The following ZDHHC7 variants were observed in gnomAD, a reference collection of about 807,000 sequenced individuals.
ZDHHC7 encodes zDHHC palmitoyltransferase 7, also known as palmitoyltransferase ZDHHC7.
ZDHHC7 carries 12 observed loss-of-function variants against 34.1 expected under a neutral mutation model. The ratio of observed to expected loss-of-function variants is 0.35; its 90% CI spans 0.23 to 0.57. The LOEUF is 0.57. Ranked by LOEUF, ZDHHC7 falls within the 20% of genes least tolerant of loss-of-function variation. The probability of loss-of-function intolerance (pLI) is 0.84; values close to 1 mark genes in which losing one functional copy is unlikely to be tolerated. For synonymous variants in ZDHHC7, 185 were observed against 155.4 expected (o/e 1.19, Z -1.42); for missense variants, 388 against 402.7 (o/e 0.96, Z 0.31).
chr16:84,984,208 A>G (rs542295014), intron 3 of ZDHHC7, among the ~76,000 whole-genome samples: 1 of 151,868 alleles, frequency 6.6e-6, no homozygotes, highest in South Asian at 2.1e-4. Flanking sequence ...TTTAGTAGAG[A>G]CGGGGTTTCG....
rs115100914 is a variant in ZDHHC7, at chr16:85,002,111, G to A, written c.-103-6104C>T. ...ATAAAATAGTATTGCTTTATAACCC[G>A]AAGCATCAAGTAAACATGCACGAGT... On this transcript the variant is annotated intron_variant, in intron 1 of 7. Transcript: ENST00000313732. Among the ~76,000 whole-genome samples the A allele has an allele frequency of 6.9e-3, 1,049 of 152,134 alleles. 14 individuals carry two copies. Among genetic ancestry groups the A allele is most frequent in the African/African-American group, 0.024 (994 of 41,484 alleles).
chr16:84,987,544 C>T (rs2072452995), intron 3 of ZDHHC7, among the ~76,000 whole-genome samples: 1 of 151,592 alleles, frequency 6.6e-6, no homozygotes. Context: ...CTTGGCAGTT[C>T]CACAAAAGGT....
intron 4 of ZDHHC7, among the ~76,000 whole-genome samples, chr16:84,981,567 G>A (rs553943718): frequency 1.3e-5 from 2 of 152,340 alleles, no homozygotes; most frequent in African/African-American, 2.4e-5. Context: ...TGGCATGTGT[G>A]CCACAACAGA....
At chr16:85,022,252 G>A in the ZDHHC7 span, among the ~76,000 whole-genome samples, 4 of 151,836 alleles carry the variant, frequency 2.6e-5, no homozygotes, top group East Asian at 5.8e-4. Context: ...CAGGCACAGT[G>A]GCTCACACCT....
chr16:85,019,515 C>T, the ZDHHC7 span, among the ~76,000 whole-genome samples: 2 of 152,068 alleles, frequency 1.3e-5, no homozygotes, highest in East Asian at 1.9e-4. Context: ...GTCAGGAGTT[C>T]GAGACCAGCC....
At chr16:84,999,399 C>T (rs1473153759) in intron 1 of ZDHHC7, among the ~76,000 whole-genome samples, 1 of 152,124 alleles carries the variant, frequency 6.6e-6, no homozygotes. Flanking sequence ...TAAATATGAA[C>T]ACAAAAACTT....
chr16:84,987,256 G>C (rs1258921014), intron 3 of ZDHHC7, among the ~76,000 whole-genome samples: 1 of 152,230 alleles, frequency 6.6e-6, no homozygotes, highest in Non-Finnish European at 1.5e-5. Context: ...AAGCAGACAT[G>C]CTTCCAAAGA....
the ZDHHC7 span, among the ~76,000 whole-genome samples, chr16:85,025,111 C>G: frequency 6.6e-6 from 1 of 152,058 alleles, no homozygotes; most frequent in Non-Finnish European, 1.5e-5. Flanking sequence ...ACCCCCATCT[C>G]TACTAAAAAT....
intron 6 of ZDHHC7, among the ~76,000 whole-genome samples, chr16:84,977,603 C>G (rs112486323): frequency 1.0e-3 from 157 of 152,316 alleles, no homozygotes; most frequent in African/African-American, 3.7e-3. Context: ...CTGTCCAGAC[C>G]TCACTGCATA....
intron 1 of ZDHHC7, among the ~76,000 whole-genome samples, chr16:85,008,087 G>C (rs2072741532): frequency 6.6e-6 from 1 of 152,068 alleles, no homozygotes; most frequent in Non-Finnish European, 1.5e-5. Context: ...CCGCACTCCA[G>C]CCTGGGCAAA....
intron 3 of ZDHHC7, among the ~76,000 whole-genome samples, chr16:84,990,014 C>G (rs1286860043): frequency 6.6e-6 from 1 of 152,102 alleles, no homozygotes; most frequent in East Asian, 1.9e-4. Context: ...ATGCCCCTCC[C>G]TGATTGAAGG....
chr16:84,982,749 G>A (rs530002176), intron 3 of ZDHHC7, among the ~76,000 whole-genome samples: 3 of 152,390 alleles, frequency 2.0e-5, no homozygotes, highest in African/African-American at 4.8e-5. Flanking sequence ...CAACGAGGCC[G>A]CCCAGCGGCA....
chr16:85,002,791 C>T (rs6564092), intron 1 of ZDHHC7, among the ~76,000 whole-genome samples: 1 of 151,774 alleles, frequency 6.6e-6, no homozygotes, highest in South Asian at 2.1e-4. Flanking sequence ...GAAACCCGGG[C>T]ATGAAGAGAA....
At position 84,993,146 on chromosome 16, in the gene ZDHHC7, G is replaced by A. The variant is rs186117158; in HGVS notation, c.-17-2511C>T. ...GAGATCAGCCTGGGCAACAGAGTAA[G>A]ACCTCATCTCTACAGAAAATAAAAA... On this transcript the variant is annotated intron_variant, in intron 2 of 7. Transcript: ENST00000313732. Among the ~76,000 whole-genome samples, 181 of 152,146 alleles carry A rather than the reference G, an allele frequency of 1.2e-3. 1 individual carries two copies. The highest frequency in any genetic ancestry group is 3.2e-3 in the African/African-American group (134 of 41,496).
chr16:84,976,571 C>A (rs1455925896), intron 7 of ZDHHC7, 52 bp from the exon 8 acceptor site: 1 of 1,584,936 alleles, frequency 6.3e-7, no homozygotes, highest in Admixed American at 1.9e-5. Flanking sequence ...GCTCGGCAGA[C>A]CCCACCAAGC....
chr16:84,999,824 G>A (rs1032282968), intron 1 of ZDHHC7, among the ~76,000 whole-genome samples: 4 of 152,124 alleles, frequency 2.6e-5, no homozygotes, highest in Admixed American at 2.6e-4. Flanking sequence ...ACAATTCGCT[G>A]TTTAAAAAAA....
intron 3 of ZDHHC7, among the ~76,000 whole-genome samples, chr16:84,982,706 C>T (rs1379118192): frequency 6.6e-6 from 1 of 152,252 alleles, no homozygotes; most frequent in Non-Finnish European, 1.5e-5. Context: ...CTGGAGGTGG[C>T]GGTCCAGACC....
intron 3 of ZDHHC7, among the ~76,000 whole-genome samples, chr16:84,987,355 C>T (rs763525350): frequency 2.0e-5 from 3 of 152,092 alleles, no homozygotes; most frequent in Non-Finnish European, 4.4e-5. Flanking sequence ...TGAGATACGG[C>T]GTCACAAAAG....
chr16:84,979,407 A>C (rs2072337862), intron 4 of ZDHHC7, 122 bp from the exon 5 acceptor site: 1 of 1,335,644 alleles, frequency 7.5e-7, no homozygotes. Context: ...ATGTCAAAAA[A>C]TATCATACAT....
Sources: gnomAD v4.1 joint callset for allele counts (sites outside exome capture counted in the v4.1 genomes callset) on GRCh38, gnomAD v4.1.1 for gene constraint, MANE v1.5 for transcripts, NCBI Gene and HGNC (gene_info 2026-07-23, HGNC 2026-07-21) for gene names.